Variants in TEAD1 observed in about 807,000 individuals in gnomAD.
TEAD1 encodes TEA domain transcription factor 1, also known as transcriptional enhancer factor TEF-1.
In TEAD1, 9 loss-of-function variants were observed where a neutral mutation model predicts 54.9. The ratio of observed to expected loss-of-function variants is 0.16; its 90% CI spans 0.10 to 0.29. TEAD1 has a LOEUF of 0.29. Ranked by LOEUF, TEAD1 falls within the 10% of genes least tolerant of loss-of-function variation. The pLI is 1.00. For synonymous variants in TEAD1, 200 were observed against 187.8 expected (o/e 1.07, Z -0.53); for missense variants, 387 against 535.9 (o/e 0.72, Z 2.74).
intron 3 of TEAD1, among the ~76,000 whole-genome samples, chr11:12,845,056 C>T (rs565384269): frequency 3.3e-5 from 5 of 149,954 alleles, no homozygotes; most frequent in African/African-American, 1.2e-4. Context: ...ACCTCTGCCT[C>T]CTGGATTCAA....
chr11:12,913,936 A>G (rs1948663452), intron 10 of TEAD1, among the ~76,000 whole-genome samples: 1 of 152,208 alleles, frequency 6.6e-6, no homozygotes, highest in Non-Finnish European at 1.5e-5. Context: ...GCCAGTGTTC[A>G]CACACCTGAT....
intron 3 of TEAD1, among the ~76,000 whole-genome samples, chr11:12,788,316 G>A (rs902045339): frequency 6.6e-6 from 1 of 151,976 alleles, no homozygotes; most frequent in Admixed American, 6.6e-5. Context: ...ATTTTTAGTA[G>A]TGACGGGGTT....
intron 3 of TEAD1, among the ~76,000 whole-genome samples, chr11:12,790,205 G>A (rs1393391579): frequency 2.0e-5 from 3 of 152,354 alleles, no homozygotes; most frequent in African/African-American, 7.2e-5. Context: ...GTCCTTCAGA[G>A]GACCTGTCTG....
At chr11:12,738,714 C>G (rs1944586289) in intron 2 of TEAD1, among the ~76,000 whole-genome samples, 1 of 152,182 alleles carries the variant, frequency 6.6e-6, no homozygotes, top group Non-Finnish European at 1.5e-5. Flanking sequence ...TCTGTATTTA[C>G]TTGCCTTGCT....
At chr11:12,795,627 T>C (rs1945900618) in intron 3 of TEAD1, among the ~76,000 whole-genome samples, 1 of 152,172 alleles carries the variant, frequency 6.6e-6, no homozygotes, top group Non-Finnish European at 1.5e-5. Flanking sequence ...CCAGGCTTTA[T>C]ACCCTTGCTC....
intron 3 of TEAD1, among the ~76,000 whole-genome samples, chr11:12,801,926 G>A (rs1946067891): frequency 6.6e-6 from 1 of 152,200 alleles, no homozygotes; most frequent in African/African-American, 2.4e-5. Context: ...TAGCTTGGTT[G>A]AGTTTGGCTT....
intron 1 of TEAD1, among the ~76,000 whole-genome samples, chr11:12,675,189 G>A (rs1324142866): frequency 1.3e-5 from 2 of 151,110 alleles, no homozygotes; most frequent in African/African-American, 2.4e-5. Context: ...CTTGGACGGG[G>A]TGCGCTGGGG....
intron 2 of TEAD1, among the ~76,000 whole-genome samples, chr11:12,762,850 C>G (rs904074345): frequency 9.9e-5 from 15 of 152,114 alleles, no homozygotes; most frequent in African/African-American, 3.6e-4. Context: ...CAGGTAACGG[C>G]CCTGGAATAT....
intron 3 of TEAD1, among the ~76,000 whole-genome samples, chr11:12,837,149 G>A (rs896570563): frequency 6.6e-6 from 1 of 152,176 alleles, no homozygotes; most frequent in Admixed American, 6.5e-5. Context: ...TATGCTGCAA[G>A]CATATTTAAA....
chr11:12,797,317 A>G (rs1016262155), intron 3 of TEAD1, among the ~76,000 whole-genome samples: 6 of 152,190 alleles, frequency 3.9e-5, no homozygotes, highest in African/African-American at 1.4e-4. Flanking sequence ...CTTTTGGACA[A>G]TCACAGAATG....
intron 3 of TEAD1, 72 bp from the exon 4 acceptor site, chr11:12,862,178 T>C (rs1947519974): frequency 2.4e-6 from 3 of 1,269,388 alleles, no homozygotes; most frequent in Admixed American, 1.8e-5. Context: ...GAATTTTGTT[T>C]TTTGCTTTCA....
intron 2 of TEAD1, among the ~76,000 whole-genome samples, chr11:12,677,750 CTT>C (rs929417164): frequency 6.6e-6 from 1 of 152,138 alleles, no homozygotes; most frequent in African/African-American, 2.4e-5. Flanking sequence ...ATTAAATAGA[CTT>C]TTGAAGAAAT....
At chr11:12,859,042 G>C (rs1038686919) in intron 3 of TEAD1, among the ~76,000 whole-genome samples, 10 of 152,226 alleles carry the variant, frequency 6.6e-5, no homozygotes, top group Middle Eastern at 6.8e-3. Context: ...AATTTTATGG[G>C]ACCACCATCA....
At chr11:12,736,788 T>C (rs890118241) in intron 2 of TEAD1, among the ~76,000 whole-genome samples, 2 of 152,140 alleles carry the variant, frequency 1.3e-5, no homozygotes, top group African/African-American at 4.8e-5. Flanking sequence ...GCCAAATGAA[T>C]CTTCTCTTTT....
chr11:12,679,200 G>A (rs1327689777), intron 2 of TEAD1, among the ~76,000 whole-genome samples: 1 of 152,108 alleles, frequency 6.6e-6, no homozygotes, highest in Non-Finnish European at 1.5e-5. Flanking sequence ...TTTGTGGCAG[G>A]CCAAGGGAAG....
chr11:12,731,861 G>A (rs1018406626), intron 2 of TEAD1, among the ~76,000 whole-genome samples: 1 of 152,156 alleles, frequency 6.6e-6, no homozygotes. Flanking sequence ...CCCGTTTGCT[G>A]TCTTAAAATC....
At chr11:12,850,358 C>A (rs1425911973) in intron 3 of TEAD1, among the ~76,000 whole-genome samples, 1 of 152,188 alleles carries the variant, frequency 6.6e-6, no homozygotes. Context: ...ACAGCTTGAA[C>A]CCGGGAGGCG....
chr11:12,911,497 A>G (rs1434744103), intron 10 of TEAD1, among the ~76,000 whole-genome samples: 3 of 152,216 alleles, frequency 2.0e-5, no homozygotes, highest in Non-Finnish European at 4.4e-5. Context: ...TTTCAGCTCA[A>G]TAAGTTTTCC....
At chr11:12,908,883 G>GTTT (rs60042137) in intron 10 of TEAD1, among the ~76,000 whole-genome samples, 9 of 99,662 alleles carry the variant, frequency 9.0e-5, no homozygotes, top group South Asian at 3.1e-4. Context: ...CAAATTATCT[G>GTTT]TTTTTTTTTT....
Sources: allele counts gnomAD v4.1 joint callset (sites outside exome capture counted in the v4.1 genomes callset), GRCh38; gene constraint gnomAD v4.1.1; transcripts MANE v1.5; gene names NCBI Gene and HGNC (gene_info 2026-07-23, HGNC 2026-07-21).